DPP10: variants seen among roughly 807,000 people sequenced by gnomAD.
DPP10 encodes the protein inactive dipeptidyl peptidase 10.
In DPP10, 33 loss-of-function variants were observed where a neutral mutation model predicts 120.9. That is an observed-to-expected ratio of 0.27 (90% CI 0.21 to 0.37). The LOEUF (loss-of-function observed/expected upper bound fraction) is 0.37. Ranked by LOEUF, DPP10 falls within the 10% of genes least tolerant of loss-of-function variation. The pLI is 1.00. For synonymous variants in DPP10, 337 were observed against 326.1 expected (o/e 1.03, Z -0.36); for missense variants, 816 against 942.8 (o/e 0.87, Z 1.76).
intron 2 of DPP10, among the ~76,000 whole-genome samples, chr2:115,338,575 C>G (rs976526802): frequency 6.6e-6 from 1 of 152,114 alleles, no homozygotes; most frequent in Admixed American, 6.6e-5. Flanking sequence ...ATCCTCCTGC[C>G]TCAGCCTCCC....
chr2:115,169,285 T>C (rs1412512074), intron 1 of DPP10, among the ~76,000 whole-genome samples: 1 of 152,310 alleles, frequency 6.6e-6, no homozygotes, highest in Non-Finnish European at 1.5e-5. Context: ...GGCTCAAGCT[T>C]GAAACCTAGT....
At chr2:115,591,729 T>C (rs1402490133) in intron 5 of DPP10, among the ~76,000 whole-genome samples, 1 of 152,222 alleles carries the variant, frequency 6.6e-6, no homozygotes, top group Non-Finnish European at 1.5e-5. Context: ...GCATTGAATC[T>C]ATAAATTATC....
chr2:114,508,870 C>A (rs746884168), intron 1 of DPP10, among the ~76,000 whole-genome samples: 1 of 152,024 alleles, frequency 6.6e-6, no homozygotes, highest in Admixed American at 6.5e-5. Flanking sequence ...ACCCTGAGAA[C>A]GTGAAATTCA....
intron 3 of DPP10, among the ~76,000 whole-genome samples, chr2:115,351,556 A>G (rs2064036652): frequency 6.6e-6 from 1 of 152,116 alleles, no homozygotes; most frequent in Admixed American, 6.6e-5. Flanking sequence ...AATAAAAAGT[A>G]AAAACACATA....
At chr2:114,928,612 C>A (rs1695820478) in intron 1 of DPP10, among the ~76,000 whole-genome samples, 2 of 152,144 alleles carry the variant, frequency 1.3e-5, no homozygotes, top group African/African-American at 4.8e-5. Flanking sequence ...GTACACGGTG[C>A]CAGTAGCTCT....
rs772098479 is a variant in DPP10 at position 115,333,562 on chromosome 2, T to C, written c.176-10255T>C. Among the ~76,000 whole-genome samples, 14 of 152,252 alleles carry C rather than the reference T, an allele frequency of 9.2e-5. 1 individual carries two copies. Among genetic ancestry groups the C allele is most frequent in the East Asian group, 1.9e-4 (1 of 5,176 alleles). On this transcript the variant is annotated intron_variant, in intron 2 of 25. Coordinates refer to ENST00000410059, the MANE Select transcript of DPP10 (RefSeq NM_020868.6). ...GGCATGTTTTTGCAGTGGCTGGTAC[T>C]GGTTGTTCCTTTCCATGTTTAGTGC...
chr2:115,010,309 C>T (rs1156351220), intron 1 of DPP10, among the ~76,000 whole-genome samples: 2 of 152,134 alleles, frequency 1.3e-5, no homozygotes, highest in Non-Finnish European at 2.9e-5. Flanking sequence ...TTGTTTGCGA[C>T]TAAGCACCAT....
intron 7 of DPP10, among the ~76,000 whole-genome samples, chr2:115,724,587 A>G (rs1304853018): frequency 6.6e-6 from 1 of 152,082 alleles, no homozygotes; most frequent in Non-Finnish European, 1.5e-5. Flanking sequence ...AAGACCATTG[A>G]TTTTGAAAAA....
chr2:115,521,605 A>ATT (rs79361161), intron 4 of DPP10, among the ~76,000 whole-genome samples: 22,711 of 143,444 alleles, frequency 0.16, 2,202 homozygotes, highest in East Asian at 0.28. Flanking sequence ...TCTAATCCTT[A>ATT]TTTTTTTTTT....
intron 5 of DPP10, among the ~76,000 whole-genome samples, chr2:115,638,918 G>A (rs1313064097): frequency 6.6e-6 from 1 of 152,174 alleles, no homozygotes; most frequent in Non-Finnish European, 1.5e-5. Context: ...TCACTGGCTG[G>A]TTTTCCTGAA....
At chr2:114,889,280 C>CA (rs1692339227) in intron 1 of DPP10, among the ~76,000 whole-genome samples, 1 of 152,188 alleles carries the variant, frequency 6.6e-6, no homozygotes, top group Non-Finnish European at 1.5e-5. Flanking sequence ...CTGTCTCCAG[C>CA]ACTGGATGTA....
chr2:115,001,524 A>T (rs961935406), intron 1 of DPP10, among the ~76,000 whole-genome samples: 1 of 152,188 alleles, frequency 6.6e-6, no homozygotes, highest in Admixed American at 6.5e-5. Flanking sequence ...TATTCAACAT[A>T]GCACTGAAAG....
intron 1 of DPP10, among the ~76,000 whole-genome samples, chr2:115,187,994 TG>T (rs1440278805): frequency 6.6e-6 from 1 of 150,918 alleles, no homozygotes; most frequent in Non-Finnish European, 1.5e-5. Flanking sequence ...CACTGAAGCC[TG>T]GGCAACAGAG....
intron 1 of DPP10, among the ~76,000 whole-genome samples, chr2:114,532,103 A>T (rs896943268): frequency 2.6e-5 from 4 of 151,592 alleles, no homozygotes; most frequent in African/African-American, 9.7e-5. Flanking sequence ...GACTCGGATC[A>T]AAATATATGC....
chr2:115,565,145 G>A (rs1019780466), intron 5 of DPP10, among the ~76,000 whole-genome samples: 1 of 152,092 alleles, frequency 6.6e-6, no homozygotes. Flanking sequence ...GTAAGTATGT[G>A]TGTATATATG....
intron 1 of DPP10, among the ~76,000 whole-genome samples, chr2:115,291,745 T>C (rs915192125): frequency 6.6e-6 from 1 of 152,188 alleles, no homozygotes; most frequent in Non-Finnish European, 1.5e-5. Flanking sequence ...TTTGTGACGA[T>C]GGAATGGTCA....
rs200861463 is a variant in DPP10 at position 115,541,760 on chromosome 2, C to CCATGGA, written c.441+15789_441+15794dup. Among the ~76,000 whole-genome samples, 12 of 151,702 alleles carry CCATGGA rather than the reference C, an allele frequency of 7.9e-5. No individual in the cohort carries two copies. In the East Asian group the frequency reaches 2.3e-3, roughly 30 times the overall value. On this transcript the variant is annotated intron_variant, in intron 5 of 25. Coordinates refer to ENST00000410059, the MANE Select transcript of DPP10 (RefSeq NM_020868.6). The stretch of plus-strand genomic sequence containing the variant: ...TGTAAGCTTTCTCCTGCACTATATG[C>CCATGGA]CATGGATATAGCACAGAACAAAACA...
chr2:115,211,639 A>T (rs542751455), intron 1 of DPP10, among the ~76,000 whole-genome samples: 6 of 151,678 alleles, frequency 4.0e-5, no homozygotes, highest in African/African-American at 1.5e-4. Flanking sequence ...ATTTTCTTTC[A>T]TTTAATTTGG....
At chr2:115,101,810 T>C (rs1420710455) in intron 1 of DPP10, among the ~76,000 whole-genome samples, 1 of 152,236 alleles carries the variant, frequency 6.6e-6, no homozygotes, top group African/African-American at 2.4e-5. Context: ...ACACATGTTT[T>C]TCCAAGGCCT....
Sources: gnomAD v4.1 joint callset for allele counts (sites outside exome capture counted in the v4.1 genomes callset) on GRCh38, gnomAD v4.1.1 for gene constraint, MANE v1.5 for transcripts, NCBI Gene and HGNC (gene_info 2026-07-23, HGNC 2026-07-21) for gene names.